The following NDST3 variants were observed in gnomAD, a reference collection of about 807,000 sequenced individuals.
NDST3 encodes the protein N-deacetylase and N-sulfotransferase 3.
Under a neutral mutation model 96.1 loss-of-function variants are expected in NDST3, and 58 were observed. The observed-to-expected ratio is 0.60, with a 90% CI of 0.49 to 0.75. The LOEUF (loss-of-function observed/expected upper bound fraction) is 0.75, where lower values mean the gene tolerates loss of function less well. Ranked by LOEUF, NDST3 falls within the 30% of genes least tolerant of loss-of-function variation. The pLI is 0.00. For missense variants in NDST3, 788 were observed against 1,034.2 expected, an observed-to-expected ratio of 0.76 and a Z score of 3.27; for synonymous variants, 333 against 359.7, an observed-to-expected ratio of 0.93 and a Z score of 0.84.
chr4:118,082,137 TG>T (rs1222164026), intron 2 of NDST3, among the ~76,000 whole-genome samples: 1 of 152,136 alleles, frequency 6.6e-6, no homozygotes, highest in Admixed American at 6.6e-5. Context: ...ACACAGCCTT[TG>T]GGGGTGATTA....
intron 6 of NDST3, among the ~76,000 whole-genome samples, chr4:118,177,071 T>C (rs981157879): frequency 4.6e-5 from 7 of 152,002 alleles, no homozygotes; most frequent in Non-Finnish European, 8.8e-5. Context: ...AATCAGGTGA[T>C]AGAACCAAGA....
intron 1 of NDST3, among the ~76,000 whole-genome samples, chr4:118,052,168 G>A (rs1326983958): frequency 6.6e-6 from 1 of 152,060 alleles, no homozygotes. Context: ...TAAAGAAAAT[G>A]TGGTACAAAT....
Position 118,224,589 on chromosome 4 carries a change from C to A in NDST3, c.1638C>A (p.Asn546Lys). ...NLANFVKSWT[N>K]LRLQTLPPVQ... Reference sequence around the variant, plus strand: ...CCAACTTTGTGAAGAGCTGGACCAACCTGCGACTTCAGACTCTGCCTCCAG... The same window carrying A: ...CCAACTTTGTGAAGAGCTGGACCAAACTGCGACTTCAGACTCTGCCTCCAG... Residue 546 changes from asparagine (N) to lysine (K), a missense_variant, in exon 7 of 14, where the codon AAC (asparagine) becomes AAA (lysine). Asn to Lys is a moderately conservative substitution (Grantham distance 94, BLOSUM62 0). Transcript: ENST00000296499. 6.2e-7 allele frequency: 1 copy of A among 1,612,946 alleles called. No individual in the cohort carries two copies. The highest frequency in any genetic ancestry group is 8.5e-7 in the Non-Finnish European group (1 of 1,179,330).
chr4:118,048,697 C>T (rs1195444393), intron 1 of NDST3, among the ~76,000 whole-genome samples: 3 of 152,142 alleles, frequency 2.0e-5, no homozygotes, highest in African/African-American at 7.2e-5. Context: ...AATATATATA[C>T]ACCCAACATT....
intron 2 of NDST3, chr4:118,055,158 C>A: frequency 2.2e-6 from 1 of 457,864 alleles, no homozygotes; most frequent in Non-Finnish European, 3.9e-6. Context: ...GAGTAGAAGT[C>A]ATTTCGTTTA....
chr4:118,209,473 T>C (rs564344984), intron 6 of NDST3, among the ~76,000 whole-genome samples: 1 of 152,216 alleles, frequency 6.6e-6, no homozygotes, highest in Admixed American at 6.5e-5. Flanking sequence ...GATGTTCTCA[T>C]GACATGTAAA....
Position 118,105,109 on chromosome 4 carries a change from A to G in NDST3, c.1069+4A>G. 6.2e-7 allele frequency: 1 copy of G among 1,604,748 alleles called. No homozygotes were observed. Among genetic ancestry groups the G allele is most frequent in the Non-Finnish European group, 8.5e-7 (1 of 1,171,730 alleles). On this transcript the variant is annotated splice_donor_region_variant and intron_variant, in intron 3 of 13. Transcript: ENST00000296499. ...TCAGGGAAATTTTACCATACAGGTAAGAAAAAGGGATTAACTGTTCTCATT... is the reference window on the plus strand; with the variant it reads ...TCAGGGAAATTTTACCATACAGGTAGGAAAAAGGGATTAACTGTTCTCATT...
intron 2 of NDST3, among the ~76,000 whole-genome samples, chr4:118,099,589 G>A (rs1729607139): frequency 6.6e-6 from 1 of 152,014 alleles, no homozygotes; most frequent in Non-Finnish European, 1.5e-5. Context: ...TTCTTGTCAA[G>A]GGAGTTTAAA....
In NDST3 at chr4:118,054,395, T is replaced by C. The variant is rs766797876; in HGVS notation, c.485T>C (p.Ile162Thr). The change falls in exon 2 of 14, where the codon ATT becomes ACT. Residue 162 changes from isoleucine (I) to threonine (T), a missense_variant. Physicochemically the swap from Ile to Thr is moderately conservative, Grantham distance 89 (BLOSUM62 -1). This residue lies in a region of NDST3 where 234 missense variants were observed against 256.9 expected (regional missense o/e 0.91). Coordinates refer to ENST00000296499, the MANE Select transcript of NDST3 (RefSeq NM_004784.3). ...TGTGTAGAATATGGTGTGGGTGTCA[T>C]TGGATTCCACAAAACTAGTGAGAAG... is the stretch of plus-strand genomic sequence containing the variant. The part of the protein sequence containing the change: ...KYCVEYGVGV[I>T]GFHKTSEKSV... The C allele has an allele frequency of 1.1e-5, 17 of 1,612,990 alleles. No individual in the cohort carries two copies. Among genetic ancestry groups the C allele is most frequent in the Non-Finnish European group, 1.4e-5 (16 of 1,179,430 alleles).
intron 12 of NDST3, among the ~76,000 whole-genome samples, chr4:118,243,515 A>C (rs2126008347): frequency 6.6e-6 from 1 of 152,326 alleles, no homozygotes; most frequent in East Asian, 1.9e-4. Context: ...TTCAAGTACT[A>C]ACACAGACAC....
At chr4:118,237,909 C>T (rs1434803424) in intron 10 of NDST3, among the ~76,000 whole-genome samples, 1 of 151,930 alleles carries the variant, frequency 6.6e-6, no homozygotes, top group Admixed American at 6.6e-5. Flanking sequence ...GGTGGGAAGA[C>T]TGTTTGAGCC....
At position 118,253,612 on chromosome 4, in the gene NDST3, A is replaced by G; in HGVS notation, c.2502+11A>G. 6.4e-7 allele frequency: 1 copy of G among 1,554,262 alleles called. No homozygotes were observed. The highest frequency in any genetic ancestry group is 8.8e-7 in the Non-Finnish European group (1 of 1,136,478). ...CCAATGGATTCTGATGTAAGCATAG[A>G]CCTTAAAAATACAAACTAAATCAGC... On this transcript the variant is annotated intron_variant, in intron 13 of 13. Transcript: ENST00000296499.
chr4:118,169,036 A>G (rs1735744330), intron 6 of NDST3, among the ~76,000 whole-genome samples: 1 of 152,198 alleles, frequency 6.6e-6, no homozygotes, highest in Non-Finnish European at 1.5e-5. Context: ...TCCAGTGTAC[A>G]ACACACACAC....
Position 118,241,067 on chromosome 4 carries a change from G to T in NDST3, c.2289+373G>T, listed in dbSNP as rs542802031. Among the ~76,000 whole-genome samples the T allele has an allele frequency of 2.1e-3, 323 of 152,196 alleles. 1 individual carries two copies. Among genetic ancestry groups the T allele is most frequent in the Non-Finnish European group, 3.3e-3 (227 of 68,020 alleles). On this transcript the variant is annotated intron_variant, in intron 11 of 13. Transcript: ENST00000296499. ...TTTTGAACCACCTTGCTGAATTTTTGATAAGTCCTATGTTTTTCTCAGCCC... is the reference window on the plus strand; with the variant it reads ...TTTTGAACCACCTTGCTGAATTTTTTATAAGTCCTATGTTTTTCTCAGCCC...
intron 2 of NDST3, among the ~76,000 whole-genome samples, chr4:118,084,315 A>AT (rs1377563641): frequency 6.6e-6 from 1 of 152,176 alleles, no homozygotes; most frequent in Non-Finnish European, 1.5e-5. Flanking sequence ...TGTATCCCAT[A>AT]ACATCATTTT....
Position 118,232,994 on chromosome 4 carries a change from C to A in NDST3, c.1820-18C>A, listed in dbSNP as rs1740408068. The A allele has an allele frequency of 6.2e-7, 1 of 1,600,750 alleles. No homozygotes were observed. The highest frequency in any genetic ancestry group is 2.2e-5 in the East Asian group (1 of 44,586). On this transcript the variant is annotated intron_variant, in intron 8 of 13. Transcript: ENST00000296499. ...TGTTTTCATTTAATTAATTTCTGAA[C>A]CTCTATTGTCTTTCTAGGTACCACT...
chr4:118,143,782 C>T (rs1733741990), intron 6 of NDST3, 98 bp downstream of exon 6: 1 of 1,313,846 alleles, frequency 7.6e-7, no homozygotes, highest in African/African-American at 1.5e-5. Flanking sequence ...ATCAGCCAAG[C>T]CAATATGAAG....
At chr4:118,229,654 CA>C (rs749347565) in intron 8 of NDST3, among the ~76,000 whole-genome samples, 52 of 152,216 alleles carry the variant, frequency 3.4e-4, no homozygotes, top group Non-Finnish European at 5.7e-4. Flanking sequence ...TAAAAGTGAA[CA>C]AATGTATTTA....
At chr4:118,166,250 G>T (rs1431103557) in intron 6 of NDST3, among the ~76,000 whole-genome samples, 2 of 151,780 alleles carry the variant, frequency 1.3e-5, no homozygotes, top group Non-Finnish European at 2.9e-5. Context: ...GAATAAAGAT[G>T]ATCATAATAG....
Sources: allele counts gnomAD v4.1 joint callset (sites outside exome capture counted in the v4.1 genomes callset), GRCh38; gene constraint gnomAD v4.1.1; regional missense constraint gnomAD v4.1.1; transcripts MANE v1.5; gene names NCBI Gene and HGNC (gene_info 2026-07-23, HGNC 2026-07-21).